The following LRP1B variants were observed in gnomAD, a reference collection of about 807,000 sequenced individuals.
LRP1B encodes low-density lipoprotein receptor-related protein 1B.
Under a neutral mutation model 556.6 loss-of-function variants are expected in LRP1B, and 217 were observed. The observed-to-expected ratio is 0.39, with a 90% CI of 0.35 to 0.44. LRP1B has a LOEUF of 0.44. Among genes scored for constraint, LRP1B ranks in the 20% least tolerant of loss-of-function variants. The pLI, the probability that LRP1B is intolerant of heterozygous loss-of-function variation, is 1.00. For missense variants in LRP1B, 5,053 were observed against 5,620.8 expected (o/e 0.90, Z 3.23); for synonymous variants, 2,047 against 1,865.8 (o/e 1.10, Z -2.50).
chr2:140,832,048 G>C (rs1358285719), intron 31 of LRP1B, among the ~76,000 whole-genome samples: 3 of 152,150 alleles, frequency 2.0e-5, no homozygotes, highest in Non-Finnish European at 2.9e-5. Context: ...ACAGACATGG[G>C]AACACTCCTA....
chr2:141,928,909 G>T (rs1294200959), intron 1 of LRP1B, among the ~76,000 whole-genome samples: 1 of 151,980 alleles, frequency 6.6e-6, no homozygotes, highest in Non-Finnish European at 1.5e-5. Context: ...TTATTAGCTT[G>T]GCCTGGTACA....
intron 35 of LRP1B, 77 bp downstream of exon 35, chr2:140,769,136 A>G: frequency 7.4e-7 from 1 of 1,354,166 alleles, no homozygotes; most frequent in Non-Finnish European, 1.0e-6. Flanking sequence ...AGCACAGAGG[A>G]AAAGATTGTA....
At chr2:141,298,081 C>G (rs1223152666) in intron 3 of LRP1B, among the ~76,000 whole-genome samples, 1 of 152,172 alleles carries the variant, frequency 6.6e-6, no homozygotes, top group African/African-American at 2.4e-5. Context: ...GATGCTCCCT[C>G]AATAATTTCA....
At chr2:141,015,089 A>G (rs1216513179) in intron 13 of LRP1B, among the ~76,000 whole-genome samples, 1 of 152,152 alleles carries the variant, frequency 6.6e-6, no homozygotes, top group Non-Finnish European at 1.5e-5. Context: ...AGATTACTAA[A>G]ACATGAAATA....
At chr2:140,997,299 T>C (rs920023826) in intron 15 of LRP1B, among the ~76,000 whole-genome samples, 1 of 151,978 alleles carries the variant, frequency 6.6e-6, no homozygotes, top group Non-Finnish European at 1.5e-5. Flanking sequence ...TCCAGAATTA[T>C]TTTTCTTTGG....
At chr2:141,351,845 A>G (rs1471119441) in intron 3 of LRP1B, among the ~76,000 whole-genome samples, 1 of 151,962 alleles carries the variant, frequency 6.6e-6, no homozygotes, top group Non-Finnish European at 1.5e-5. Context: ...ACTTACAGCT[A>G]GAAGAAAAAT....
chr2:141,325,230 A>G (rs1687389898), intron 3 of LRP1B, among the ~76,000 whole-genome samples: 1 of 152,082 alleles, frequency 6.6e-6, no homozygotes, highest in African/African-American at 2.4e-5. Flanking sequence ...CACAAGGAAG[A>G]CTAATAAACG....
intron 23 of LRP1B, among the ~76,000 whole-genome samples, chr2:140,900,001 A>C (rs1277112842): frequency 6.6e-6 from 1 of 152,166 alleles, no homozygotes; most frequent in African/African-American, 2.4e-5. Context: ...AAAAACTATG[A>C]TCAAATAAAT....
intron 2 of LRP1B, among the ~76,000 whole-genome samples, chr2:141,674,436 T>C (rs1021937482): frequency 2.0e-5 from 3 of 152,224 alleles, no homozygotes; most frequent in African/African-American, 4.8e-5. Context: ...TTTGCCACAA[T>C]TGTACAAAGA....
At chr2:141,196,062 G>A (rs968581744) in intron 6 of LRP1B, among the ~76,000 whole-genome samples, 4 of 152,038 alleles carry the variant, frequency 2.6e-5, no homozygotes, top group African/African-American at 7.2e-5. Context: ...GAAAATATGA[G>A]GTAGCAAAGA....
intron 66 of LRP1B, among the ~76,000 whole-genome samples, chr2:140,386,575 A>G (rs959944190): frequency 1.3e-5 from 2 of 152,240 alleles, no homozygotes; most frequent in Non-Finnish European, 2.9e-5. Flanking sequence ...AACATTAATT[A>G]TGTTCCATCT....
chr2:140,989,463 C>T, intron 17 of LRP1B, 69 bp downstream of exon 17: 1 of 1,567,874 alleles, frequency 6.4e-7, no homozygotes, highest in Non-Finnish European at 8.7e-7. Context: ...TAGTTCAAAG[C>T]ATTTACTTGC....
chr2:140,559,032 T>C (rs1302079915), intron 43 of LRP1B, among the ~76,000 whole-genome samples: 2 of 152,088 alleles, frequency 1.3e-5, no homozygotes, highest in African/African-American at 4.8e-5. Context: ...AAAAACATTT[T>C]ATGATTTTTG....
chr2:140,970,855 C>A lies in LRP1B; in HGVS notation c.2887+11305G>T, dbSNP rs900253747. On this transcript the variant is annotated intron_variant, in intron 18 of 90. Coordinates refer to ENST00000389484, the MANE Select transcript of LRP1B (RefSeq NM_018557.3). ...TCCTGGGTTCAGGTGATCCTCCCAT[C>A]TCACCCTCCCTAGTAGCGGGGACTA... Among the ~76,000 whole-genome samples the A allele has an allele frequency of 1.1e-4, 17 of 151,074 alleles. 1 individual carries two copies. Among genetic ancestry groups the A allele is most frequent in the Admixed American group, 9.2e-4 (14 of 15,170 alleles).
At chr2:141,000,779 T>C (rs1463024664) in intron 15 of LRP1B, among the ~76,000 whole-genome samples, 1 of 152,102 alleles carries the variant, frequency 6.6e-6, no homozygotes, top group Non-Finnish European at 1.5e-5. Flanking sequence ...TAAGTTTTTT[T>C]AGTGATAATT....
At chr2:142,005,649 A>C (rs1702777322) in intron 1 of LRP1B, among the ~76,000 whole-genome samples, 1 of 152,192 alleles carries the variant, frequency 6.6e-6, no homozygotes, top group Non-Finnish European at 1.5e-5. Flanking sequence ...CAGCACCACT[A>C]AGTTATGATG....
rs147700093 is a variant in LRP1B, at chr2:140,627,290, T to A, written c.6800-25651A>T. On this transcript the variant is annotated intron_variant, in intron 41 of 90. Transcript: ENST00000389484. ...GTTGAAAGATTAACATTTGAGTTGG[T>A]GGACTGGAGGCAGACACACCCTAAT... is the stretch of plus-strand genomic sequence containing the variant. Among the ~76,000 whole-genome samples the A allele has an allele frequency of 2.6e-3, 392 of 152,248 alleles. 1 individual carries two copies. The highest frequency in any genetic ancestry group is 9.0e-3 in the African/African-American group (376 of 41,548).
intron 65 of LRP1B, among the ~76,000 whole-genome samples, chr2:140,443,967 A>G (rs1217651476): frequency 6.6e-6 from 1 of 152,150 alleles, no homozygotes; most frequent in Non-Finnish European, 1.5e-5. Context: ...ATTTCAAGAA[A>G]CTGATTAATC....
intron 66 of LRP1B, among the ~76,000 whole-genome samples, chr2:140,414,916 A>G (rs1302368251): frequency 6.6e-6 from 1 of 152,184 alleles, no homozygotes; most frequent in Non-Finnish European, 1.5e-5. Flanking sequence ...GAGCCTATAA[A>G]TGGATGTGCA....
Sources: gnomAD v4.1 joint callset for allele counts (sites outside exome capture counted in the v4.1 genomes callset) on GRCh38, gnomAD v4.1.1 for gene constraint, MANE v1.5 for transcripts, NCBI Gene and HGNC (gene_info 2026-07-23, HGNC 2026-07-21) for gene names.